CDK14: variants seen among roughly 807,000 people sequenced by gnomAD.
CDK14 encodes cyclin dependent kinase 14, also known as cyclin-dependent kinase 14.
A neutral mutation model predicts 60.7 loss-of-function variants in CDK14; 34 were observed. The observed-to-expected ratio is 0.56, with a 90% CI of 0.43 to 0.75. The LOEUF is 0.75. Ranked by LOEUF, CDK14 falls within the 30% of genes least tolerant of loss-of-function variation. The pLI is 0.00. For synonymous variants in CDK14, 197 were observed against 203.7 expected (o/e 0.97, Z 0.28); for missense variants, 482 against 564.1 (o/e 0.85, Z 1.47).
chr7:90,816,998 T>A (rs1055919184), intron 5 of CDK14, among the ~76,000 whole-genome samples: 1 of 152,140 alleles, frequency 6.6e-6, no homozygotes. Context: ...AGTGAATCAC[T>A]TAGTTAAAAT....
At chr7:91,107,717 T>C (rs1167545855) in intron 12 of CDK14, 1 of 152,220 alleles carries the variant, frequency 6.6e-6, no homozygotes, top group Non-Finnish European at 1.5e-5. Flanking sequence ...GCAGTTTTTC[T>C]CTTTGGAGCA....
chr7:91,154,199 C>T (rs970987455), intron 14 of CDK14, among the ~76,000 whole-genome samples: 6 of 151,246 alleles, frequency 4.0e-5, no homozygotes, highest in African/African-American at 1.5e-4. Context: ...TGGGGTTATA[C>T]TTTACTTAAC....
chr7:90,824,516 CA>C (rs1789656087), intron 5 of CDK14: 1 of 152,162 alleles, frequency 6.6e-6, no homozygotes, highest in African/African-American at 2.4e-5. Flanking sequence ...TCTTAAATCT[CA>C]GCAGAAGAGT....
At chr7:91,061,642 T>C (rs970893850) in intron 11 of CDK14, among the ~76,000 whole-genome samples, 3 of 152,346 alleles carry the variant, frequency 2.0e-5, no homozygotes, top group Middle Eastern at 3.4e-3. Context: ...GCTGCAGGTC[T>C]GTTGAGGTTT....
rs1369932299 is a variant in CDK14 at position 91,078,139 on chromosome 7, A to G, written c.1106-1293A>G. The stretch of plus-strand genomic sequence containing the variant: ...TTGCCAAGCAATTCTATATTGGGGA[A>G]TCTATCCAACAGAAATGAAAGCATC... On this transcript the variant is annotated intron_variant, in intron 11 of 14. Coordinates refer to ENST00000380050, the MANE Select transcript of CDK14 (RefSeq NM_001287135.2). Among the ~76,000 whole-genome samples the G allele has an allele frequency of 2.0e-5, 3 of 152,198 alleles. No individual in the cohort carries two copies. The East Asian group carries it at 5.8e-4, about 29-fold the overall frequency.
In CDK14 at chr7:90,917,599, AGTT is replaced by A; in HGVS notation, c.705_707del (p.Leu235del). 1 of 1,611,312 alleles carries A rather than the reference AGTT, an allele frequency of 6.2e-7. No homozygotes were observed. Among genetic ancestry groups the A allele is most frequent in the Non-Finnish European group, 8.5e-7 (1 of 1,178,114 alleles). ...TTTAACCTTTGTCTCCTTATTTTTC[AGTT>A]GTTTTTATTTCAGTTGCTGCGAGGT... On this transcript the variant is annotated splice_acceptor_variant and coding_sequence_variant, in exon 8 of 15. Transcript: ENST00000380050. LOFTEE classifies it high-confidence loss of function.
chr7:91,081,902 A>T lies in CDK14; in HGVS notation c.1154+2422A>T, dbSNP rs560611680. Among the ~76,000 whole-genome samples, 49 of 145,160 alleles carry T rather than the reference A, an allele frequency of 3.4e-4. 1 individual carries two copies. The highest frequency in any genetic ancestry group is 3.4e-3 in the Middle Eastern group (1 of 290). ...CGATTGAGAATAATAAATATATATTAAAAAAAAAGGAAAGTCCTTTTATTC... is the reference window on the plus strand; with the variant it reads ...CGATTGAGAATAATAAATATATATTTAAAAAAAAGGAAAGTCCTTTTATTC... On this transcript the variant is annotated intron_variant, in intron 12 of 14. Transcript: ENST00000380050.
At chr7:90,633,373 G>A (rs1191255934) in intron 2 of CDK14, among the ~76,000 whole-genome samples, 1 of 152,130 alleles carries the variant, frequency 6.6e-6, no homozygotes, top group Non-Finnish European at 1.5e-5. Flanking sequence ...TTTTTAATAT[G>A]TACCTCATGG....
intron 12 of CDK14, among the ~76,000 whole-genome samples, chr7:91,083,522 C>T (rs1798540260): frequency 6.6e-6 from 1 of 152,198 alleles, no homozygotes; most frequent in Non-Finnish European, 1.5e-5. Context: ...CCCCCAAAGG[C>T]TCACCTGCTT....
chr7:90,947,049 T>A (rs556095984), intron 8 of CDK14, among the ~76,000 whole-genome samples: 1 of 152,208 alleles, frequency 6.6e-6, no homozygotes, highest in Non-Finnish European at 1.5e-5. Context: ...TTTCCTGAGC[T>A]TTTCCCTGCA....
At chr7:90,941,454 T>C (rs1025091481) in intron 8 of CDK14, among the ~76,000 whole-genome samples, 2 of 152,018 alleles carry the variant, frequency 1.3e-5, no homozygotes, top group Admixed American at 6.5e-5. Context: ...TTAGTTTGTT[T>C]GTCTGTCTGT....
At chr7:91,004,174 T>G (rs768462323) in intron 10 of CDK14, among the ~76,000 whole-genome samples, 1 of 152,104 alleles carries the variant, frequency 6.6e-6, no homozygotes, top group South Asian at 2.1e-4. Context: ...AAGAGATATA[T>G]GAAATTGAAA....
intron 6 of CDK14, among the ~76,000 whole-genome samples, chr7:90,883,308 A>G (rs1791825469): frequency 2.6e-5 from 4 of 152,218 alleles, no homozygotes; most frequent in Non-Finnish European, 5.9e-5. Context: ...ATCAGAGAAT[A>G]CTATAAACAC....
chr7:90,624,565 A>G (rs759906971), intron 2 of CDK14, among the ~76,000 whole-genome samples: 1 of 152,212 alleles, frequency 6.6e-6, no homozygotes, highest in Non-Finnish European at 1.5e-5. Context: ...AGTTTGGCTA[A>G]GAGGAAAGAG....
chr7:90,827,078 C>A (rs972054557), intron 5 of CDK14, among the ~76,000 whole-genome samples: 2 of 151,766 alleles, frequency 1.3e-5, no homozygotes, highest in African/African-American at 4.8e-5. Context: ...CCCACCCCTG[C>A]TGCCTGTCCC....
At chr7:90,737,634 C>G (rs915681865) in intron 3 of CDK14, among the ~76,000 whole-genome samples, 1 of 152,172 alleles carries the variant, frequency 6.6e-6, no homozygotes, top group East Asian at 1.9e-4. Flanking sequence ...ATCAATGATG[C>G]ATTACCTTAG....
intron 14 of CDK14, among the ~76,000 whole-genome samples, chr7:91,202,578 A>G (rs1037711930): frequency 2.6e-5 from 4 of 152,216 alleles, no homozygotes; most frequent in Non-Finnish European, 5.9e-5. Context: ...CATCAAATGC[A>G]TGATTGCATT....
intron 4 of CDK14, among the ~76,000 whole-genome samples, chr7:90,785,322 A>G (rs1805531838): frequency 6.6e-6 from 1 of 152,160 alleles, no homozygotes; most frequent in Non-Finnish European, 1.5e-5. Flanking sequence ...ATAGTCTATT[A>G]ATTTGAAGTA....
intron 11 of CDK14, among the ~76,000 whole-genome samples, chr7:91,055,706 A>C (rs774029099): frequency 1.3e-5 from 2 of 152,240 alleles, no homozygotes; most frequent in Non-Finnish European, 2.9e-5. Context: ...TAAGAGTATT[A>C]AAAGTCTTGT....
Sources: gnomAD v4.1 joint callset for allele counts (sites outside exome capture counted in the v4.1 genomes callset) on GRCh38, gnomAD v4.1.1 for gene constraint, MANE v1.5 for transcripts, NCBI Gene and HGNC (gene_info 2026-07-23, HGNC 2026-07-21) for gene names.